Variants in CD40 observed in about 807,000 individuals in gnomAD.
CD40 encodes the protein tumor necrosis factor receptor superfamily member 5.
Under a neutral mutation model 38.5 loss-of-function variants are expected in CD40, and 19 were observed. The ratio of observed to expected loss-of-function variants is 0.49; its 90% CI spans 0.34 to 0.72. CD40 has a LOEUF of 0.72. CD40 is among the 30% of genes least tolerant of loss of function. CD40 has a pLI of 0.01. For synonymous variants in CD40, 130 were observed against 128.7 expected, an observed-to-expected ratio of 1.01 and a Z score of -0.07; for missense variants, 256 against 344.1, an observed-to-expected ratio of 0.74 and a Z score of 2.03.
At chr20:46,128,050 A>C in intron 6 of CD40, 88 bp from the exon 7 acceptor site, 1 of 1,611,360 alleles carries the variant, frequency 6.2e-7, no homozygotes, top group Non-Finnish European at 8.5e-7. Flanking sequence ...TGACATTGGA[A>C]GATTCTGGAG....
chr20:46,127,064 A>G (rs978282232), intron 6 of CD40: 2 of 354,784 alleles, frequency 5.6e-6, no homozygotes, highest in African/African-American at 4.2e-5. Context: ...CAGCACACCA[A>G]CATGGTACAT....
chr20:46,120,183 C>A (rs2085290254), intron 1 of CD40, among the ~76,000 whole-genome samples: 1 of 152,190 alleles, frequency 6.6e-6, no homozygotes, highest in South Asian at 2.1e-4. Context: ...TGCCATATAT[C>A]ATGCAAGCAG....
At chr20:46,123,086 C>A in intron 4 of CD40, 40 bp from the exon 5 acceptor site, 1 of 1,445,572 alleles carries the variant, frequency 6.9e-7, no homozygotes, top group Non-Finnish European at 9.7e-7. Flanking sequence ...ACAGGTGGTC[C>A]ACTGTGATGG....
At position 46,122,517 on chromosome 20, in the gene CD40, G is replaced by C; in HGVS notation, c.257-93G>C. ...TGATTGCCATCTCTACTTGGAAGAG[G>C]GTCTGAGGAAGAAAGAGCAGGCAAT... On this transcript the variant is annotated intron_variant, in intron 3 of 8. Coordinates refer to ENST00000372285, the MANE Select transcript of CD40 (RefSeq NM_001250.6). The surrounding 1 kb of genome is among the most constrained non-coding windows in gnomAD (Gnocchi z 5.0). 1.9e-6 allele frequency: 3 copies of C among 1,588,624 alleles called. No homozygotes were observed. Among genetic ancestry groups the C allele is most frequent in the East Asian group, 4.5e-5 (2 of 44,740 alleles).
Position 46,121,801 on chromosome 20 carries a change from T to A in CD40, c.52-19T>A, listed in dbSNP as rs61508870. On this transcript the variant is annotated intron_variant, in intron 1 of 8. Coordinates refer to ENST00000372285, the MANE Select transcript of CD40 (RefSeq NM_001250.6). ...CGGAGATTTCAAGATCCCTTCAAAT[T>A]GCACAATTCTGTTTTTAGGTCCATC... The A allele has an allele frequency of 1.3e-6, 2 of 1,599,282 alleles. No individual in the cohort carries two copies. The highest frequency in any genetic ancestry group is 2.7e-5 in the African/African-American group (2 of 74,738).
chr20:46,121,995 G>T, intron 2 of CD40, 97 bp downstream of exon 2: 2 of 1,152,256 alleles, frequency 1.7e-6, no homozygotes, highest in South Asian at 2.5e-5. Flanking sequence ...AATCTGAAAC[G>T]ACCCATTTCC....
chr20:46,121,130 T>C (rs2085309665), intron 1 of CD40, among the ~76,000 whole-genome samples: 1 of 152,198 alleles, frequency 6.6e-6, no homozygotes. Context: ...TACCTGGATG[T>C]AGTAAAATGG....
chr20:46,121,883 T>C lies in CD40; in HGVS notation c.115T>C (p.Ser39Pro), dbSNP rs766167612. 1.2e-6 allele frequency: 2 copies of C among 1,614,074 alleles called. No individual in the cohort carries two copies. The highest frequency in any genetic ancestry group is 1.7e-6 in the Non-Finnish European group (2 of 1,179,912). Residue 39 changes from serine to proline, a missense_variant, in exon 2 of 9, where the codon TCT (serine) becomes CCT (proline). Coordinates refer to ENST00000372285, the MANE Select transcript of CD40 (RefSeq NM_001250.6). ...KQYLINSQCC[S>P]LCQPGQKLVS... ...GTACCTAATAAACAGTCAGTGCTGT[T>C]CTTTGTGCCAGCCAGGTGAGATGCC...
At chr20:46,121,746 AC>A in intron 1 of CD40, 73 bp from the exon 2 acceptor site, 1 of 1,112,346 alleles carries the variant, frequency 9.0e-7, no homozygotes. Context: ...GTCCTGGATG[AC>A]TTTTACCTTT....
At chr20:46,127,980 C>A in intron 6 of CD40, 158 bp from the exon 7 acceptor site, 1 of 1,421,730 alleles carries the variant, frequency 7.0e-7, no homozygotes, top group Non-Finnish European at 9.6e-7. Context: ...CCTTTAAAGA[C>A]ATCTGCCAGC....
intron 1 of CD40, among the ~76,000 whole-genome samples, chr20:46,119,722 C>A (rs2085280838): frequency 1.3e-5 from 2 of 152,096 alleles, no homozygotes; most frequent in Admixed American, 1.3e-4. Flanking sequence ...TACAGATGGG[C>A]AAATTGAGGC....
chr20:46,125,124 C>T (rs2085406909), intron 5 of CD40, among the ~76,000 whole-genome samples: 1 of 150,980 alleles, frequency 6.6e-6, no homozygotes, highest in African/African-American at 2.4e-5. Context: ...GATTACAGCT[C>T]AGTAAGTGTG....
At chr20:46,119,283 C>G (rs1600651759) in intron 1 of CD40, among the ~76,000 whole-genome samples, 1 of 152,228 alleles carries the variant, frequency 6.6e-6, no homozygotes, top group Admixed American at 6.5e-5. Context: ...CTGGCCTCCC[C>G]CTACTTTAGA....
At chr20:46,126,758 G>A in intron 6 of CD40, 57 bp downstream of exon 6, 3 of 1,613,686 alleles carry the variant, frequency 1.9e-6, no homozygotes, top group Non-Finnish European at 2.5e-6. Flanking sequence ...ACTGAAGGGG[G>A]AGATGAGGCA....
chr20:46,121,812 G>T lies in CD40; in HGVS notation c.52-8G>T, dbSNP rs1364533253. On this transcript the variant is annotated splice_polypyrimidine_tract_variant and splice_region_variant and intron_variant, in intron 1 of 8. Coordinates refer to ENST00000372285, the MANE Select transcript of CD40 (RefSeq NM_001250.6). ...AGATCCCTTCAAATTGCACAATTCT[G>T]TTTTTAGGTCCATCCAGAACCACCC... 1 of 1,609,986 alleles carries T rather than the reference G, an allele frequency of 6.2e-7. No individual in the cohort carries two copies. The highest frequency in any genetic ancestry group is 1.3e-5 in the African/African-American group (1 of 74,808).
intron 1 of CD40, 84 bp from the exon 2 acceptor site, chr20:46,121,736 G>A: frequency 9.8e-7 from 1 of 1,019,760 alleles, no homozygotes; most frequent in East Asian, 2.4e-5. Context: ...TGCAGCCTCT[G>A]TCCTGGATGA....
Position 46,129,739 on chromosome 20 carries a change from C to T in CD40, c.*699C>T, listed in dbSNP as rs1475911968. On this transcript the variant is annotated 3_prime_UTR_variant, in exon 9 of 9. Transcript: ENST00000372285. ...GACGTCTGGGGTGGGGAAGAAGGGT[C>T]TGGGGGAGGGTTGGTTAAAGGGAGA... 1 of 151,924 alleles carries T rather than the reference C, an allele frequency of 6.6e-6. No individual in the cohort carries two copies. The highest frequency in any genetic ancestry group is 6.6e-5 in the Admixed American group (1 of 15,242). The allele number at this position is 151,924 out of a possible 1,614,324, so 9.4% of individuals were successfully genotyped here.
At chr20:46,118,609 G>C (rs963702860) in intron 1 of CD40, among the ~76,000 whole-genome samples, 2 of 152,156 alleles carry the variant, frequency 1.3e-5, no homozygotes, top group African/African-American at 4.8e-5. Flanking sequence ...TACAGGGGCC[G>C]CTCAGGGAAG....
intron 6 of CD40, 40 bp downstream of exon 6, chr20:46,126,741 G>C: frequency 6.2e-7 from 1 of 1,613,950 alleles, no homozygotes; most frequent in Non-Finnish European, 8.5e-7. Context: ...AGCCTAGGAA[G>C]GTGGGAACTG....
Sources: gnomAD v4.1 joint callset for allele counts (sites outside exome capture counted in the v4.1 genomes callset) on GRCh38, gnomAD v4.1.1 for gene constraint, Gnocchi (gnomAD v3.1) non-coding constraint, MANE v1.5 for transcripts, NCBI Gene and HGNC (gene_info 2026-07-23, HGNC 2026-07-21) for gene names.